CTPS2: variants seen among roughly 807,000 people sequenced by gnomAD.
CTPS2 encodes CTP synthase 2, also known as CTP synthase II.
CTPS2 carries 19 observed loss-of-function variants against 46.8 expected under a neutral mutation model. That is an observed-to-expected ratio of 0.41 (90% CI 0.28 to 0.60). The LOEUF (loss-of-function observed/expected upper bound fraction) is 0.60, where lower values mean the gene tolerates loss of function less well. Ranked by LOEUF, CTPS2 falls within the 20% of genes least tolerant of loss-of-function variation. The probability of loss-of-function intolerance (pLI) is 0.35; values close to 1 mark genes in which losing one functional copy is unlikely to be tolerated. For missense variants in CTPS2, 286 were observed against 447.6 expected (o/e 0.64, Z 3.26); for synonymous variants, 151 against 165.2 (o/e 0.91, Z 0.66).
Position 16,693,224 on chromosome X carries a change from G to A in CTPS2, c.556C>T (p.Leu186Phe). Reference protein sequence around the residue: ...CNIHVSLVPQLSATGEQKTKP... With the variant: ...CNIHVSLVPQFSATGEQKTKP... ...GTTTTTTGTTCTCCGGTAGCACTGA[G>A]CTGAAAAAAAATGGGGTCCCGTCAG... Residue 186 changes from leucine to phenylalanine, a missense_variant and splice_region_variant, in exon 6 of 19, where the codon CTC becomes TTC. Leu to Phe is a conservative substitution (Grantham distance 22). Transcript: ENST00000359276. 8.3e-7 allele frequency: 1 copy of A among 1,205,503 alleles called. No individual in the cohort carries two copies. Among genetic ancestry groups the A allele is most frequent in the East Asian group, 3.0e-5 (1 of 33,775 alleles).
intron 4 of CTPS2, among the ~76,000 whole-genome samples, chrX:16,697,862 G>A (rs1924246723): frequency 8.9e-6 from 1 of 111,910 alleles, no homozygotes; most frequent in African/African-American, 3.2e-5. Context: ...CAAATAGTAT[G>A]CACTAGAATG....
In CTPS2 at chrX:16,678,285, A is replaced by T. The variant is rs1235853297; in HGVS notation, c.1094+77T>A. ...CTTTCAAAATGCATGAAAATTAGCA[A>T]TTAGGGTAAACTGAATCATTACAGA... On this transcript the variant is annotated intron_variant, in intron 10 of 18. Coordinates refer to ENST00000359276, the MANE Select transcript of CTPS2 (RefSeq NM_175859.3). The T allele has an allele frequency of 4.5e-6, 3 of 669,425 alleles. No homozygotes were observed. The African/African-American group carries it at 6.5e-5, about 15-fold the overall frequency. 55.2% of individuals were successfully genotyped at this position (669,425 alleles called of 1,213,427 possible).
intron 13 of CTPS2, among the ~76,000 whole-genome samples, chrX:16,663,737 C>T (rs752495052): frequency 4.8e-4 from 54 of 111,485 alleles, no homozygotes; most frequent in Middle Eastern, 9.3e-3. Context: ...AAAGTAGTTG[C>T]CACTGGGGAA....
intron 2 of CTPS2, among the ~76,000 whole-genome samples, chrX:16,700,397 G>T (rs1266629641): frequency 9.2e-6 from 1 of 108,274 alleles, no homozygotes; most frequent in Non-Finnish European, 1.9e-5. Flanking sequence ...GATTACAGGC[G>T]TGAGCCACCG....
chrX:16,676,699 T>C (rs1435257991), intron 10 of CTPS2, among the ~76,000 whole-genome samples: 1 of 111,463 alleles, frequency 9.0e-6, no homozygotes, highest in East Asian at 2.8e-4. Flanking sequence ...GAAGTTTTTT[T>C]CTGCAATTTA....
intron 17 of CTPS2, among the ~76,000 whole-genome samples, chrX:16,598,649 T>G (rs2147166211): frequency 9.0e-6 from 1 of 111,704 alleles, no homozygotes; most frequent in South Asian, 3.8e-4. Context: ...ATTGGTACCA[T>G]TCCTTCTGAA....
intron 13 of CTPS2, among the ~76,000 whole-genome samples, chrX:16,644,855 C>T (rs1269603410): frequency 8.9e-6 from 1 of 112,876 alleles, no homozygotes; most frequent in East Asian, 2.8e-4. Context: ...AATGCATCTC[C>T]TCTCATAAAT....
intron 4 of CTPS2, among the ~76,000 whole-genome samples, chrX:16,693,818 C>G (rs892701510): frequency 2.7e-5 from 3 of 109,737 alleles, no homozygotes; most frequent in African/African-American, 1.0e-4. Context: ...AAAAATAAAA[C>G]TTCAAAAAAG....
At chrX:16,618,530 TC>T (rs1930649806) in intron 15 of CTPS2, among the ~76,000 whole-genome samples, 1 of 111,899 alleles carries the variant, frequency 8.9e-6, no homozygotes, top group Non-Finnish European at 1.9e-5. Context: ...CAGATGGTTT[TC>T]CAAAGGGGCT....
rs1924345341 is a variant in CTPS2 at position 16,698,911 on chromosome X, G to A, written c.337+12C>T. 8.4e-7 allele frequency: 1 copy of A among 1,183,741 alleles called. No homozygotes were observed. Among genetic ancestry groups the A allele is most frequent in the Non-Finnish European group, 1.1e-6 (1 of 880,708 alleles). On this transcript the variant is annotated intron_variant, in intron 3 of 18. Transcript: ENST00000359276. ...GCACACAGGGCTCCATAATGTCTGT[G>A]GAATATAATACCTTGCACTGTTTTC... is the stretch of plus-strand genomic sequence containing the variant.
intron 16 of CTPS2, among the ~76,000 whole-genome samples, chrX:16,614,239 A>G (rs931272601): frequency 2.7e-5 from 3 of 112,369 alleles, no homozygotes; most frequent in Non-Finnish European, 5.6e-5. Flanking sequence ...TACAGTGCAC[A>G]GGACAGCCTC....
intron 17 of CTPS2, among the ~76,000 whole-genome samples, chrX:16,608,178 A>C (rs1380979953): frequency 1.8e-5 from 2 of 111,496 alleles, no homozygotes; most frequent in Non-Finnish European, 3.8e-5. Context: ...GCTCCACTGC[A>C]CTCCAGCCTG....
intron 15 of CTPS2, among the ~76,000 whole-genome samples, chrX:16,619,993 T>C (rs1429144121): frequency 9.0e-6 from 1 of 111,344 alleles, no homozygotes; most frequent in Admixed American, 9.6e-5. Context: ...ATCTAGAAGA[T>C]GGCAGTTAGA....
intron 11 of CTPS2, among the ~76,000 whole-genome samples, chrX:16,668,774 G>A (rs866163548): frequency 1.5e-5 from 1 of 65,278 alleles, no homozygotes; most frequent in African/African-American, 7.9e-5. Context: ...GGAAGGAAAG[G>A]AAGGAAGGAA....
At position 16,632,713 on chromosome X, in the gene CTPS2, C is replaced by T. The variant is rs377707514; in HGVS notation, c.1393+6434G>A. Among the ~76,000 whole-genome samples, 22 of 111,599 alleles carry T rather than the reference C, an allele frequency of 2.0e-4. No homozygotes were observed. The East Asian group carries it at 6.2e-3, about 32-fold the overall frequency. On this transcript the variant is annotated intron_variant, in intron 14 of 18. Transcript: ENST00000359276. Reference sequence around the variant, plus strand: ...TGCTGGGATTACAGGCATGAGCCACCATGCCTGGCCAAGAGTTACATTTTG... The same window carrying T: ...TGCTGGGATTACAGGCATGAGCCACTATGCCTGGCCAAGAGTTACATTTTG...
chrX:16,632,581 G>A (rs1460730259), intron 14 of CTPS2, among the ~76,000 whole-genome samples: 1 of 109,818 alleles, frequency 9.1e-6, no homozygotes, highest in South Asian at 3.9e-4. Context: ...ACCACACCAT[G>A]CCCGGCTAAT....
At chrX:16,675,633 A>G (rs1170000425) in intron 10 of CTPS2, among the ~76,000 whole-genome samples, 2 of 112,243 alleles carry the variant, frequency 1.8e-5, no homozygotes, top group African/African-American at 6.5e-5. Context: ...ATTCCTAGTC[A>G]ATTGTGGCTT....
chrX:16,693,573 A>G (rs1923873062), intron 4 of CTPS2, 86 bp from the exon 5 acceptor site: 6 of 603,020 alleles, frequency 9.9e-6, no homozygotes, highest in East Asian at 3.3e-5. Context: ...TTCTTAATAA[A>G]CCGAGCATGA....
intron 13 of CTPS2, among the ~76,000 whole-genome samples, chrX:16,663,835 A>T (rs754374451): frequency 3.3e-4 from 36 of 109,985 alleles, no homozygotes; most frequent in African/African-American, 1.1e-3. Context: ...GTAAAAAAAA[A>T]TTTTTTTTCA....
Sources: gnomAD v4.1 joint callset for allele counts (sites outside exome capture counted in the v4.1 genomes callset) on GRCh38, gnomAD v4.1.1 for gene constraint, MANE v1.5 for transcripts, NCBI Gene and HGNC (gene_info 2026-07-23, HGNC 2026-07-21) for gene names.